Variants in SMAD1 observed in about 807,000 individuals in gnomAD.
SMAD1 encodes SMAD family member 1, also known as MAD, mothers against decapentaplegic homolog 1.
A neutral mutation model predicts 41.6 loss-of-function variants in SMAD1; 6 were observed. The observed-to-expected ratio is 0.14, with a 90% CI of 0.08 to 0.28. The LOEUF (loss-of-function observed/expected upper bound fraction) is 0.28. Ranked by LOEUF, SMAD1 falls within the 10% of genes least tolerant of loss-of-function variation. The probability of loss-of-function intolerance (pLI) is 1.00; values close to 1 mark genes in which losing one functional copy is unlikely to be tolerated. For synonymous variants in SMAD1, 206 were observed against 203.2 expected, an observed-to-expected ratio of 1.01 and a Z score of -0.12; for missense variants, 379 against 582.6, an observed-to-expected ratio of 0.65 and a Z score of 3.60.
intron 2 of SMAD1, among the ~76,000 whole-genome samples, chr4:145,522,594 T>C (rs1371143449): frequency 6.6e-6 from 1 of 152,080 alleles, no homozygotes; most frequent in Non-Finnish European, 1.5e-5. Flanking sequence ...AGCAAAACTC[T>C]GTCTCCAAAA....
intron 6 of SMAD1, 93 bp from the exon 7 acceptor site, chr4:145,557,698 A>T: frequency 1.0e-6 from 1 of 966,744 alleles, no homozygotes; most frequent in Non-Finnish European, 1.5e-6. Flanking sequence ...GCATAGCTTT[A>T]ATCAGAGTCT....
intron 1 of SMAD1, among the ~76,000 whole-genome samples, chr4:145,496,680 T>C (rs1380456494): frequency 6.6e-6 from 1 of 152,086 alleles, no homozygotes. Flanking sequence ...CACTGAGACC[T>C]GTATGCAAGG....
intron 2 of SMAD1, among the ~76,000 whole-genome samples, chr4:145,538,584 A>T (rs1410924246): frequency 2.0e-5 from 3 of 152,208 alleles, no homozygotes; most frequent in African/African-American, 7.2e-5. Flanking sequence ...TAGAAATGAT[A>T]TAAATTATGC....
At chr4:145,538,698 C>T (rs1001923132) in intron 2 of SMAD1, among the ~76,000 whole-genome samples, 3 of 152,160 alleles carry the variant, frequency 2.0e-5, no homozygotes, top group Non-Finnish European at 4.4e-5. Flanking sequence ...CAACAATAAT[C>T]ATAAGTTTTA....
rs181140207 is a variant in SMAD1 at position 145,488,897 on chromosome 4, A to G, written c.-177+6859A>G. On this transcript the variant is annotated intron_variant, in intron 1 of 6. Transcript: ENST00000302085. ...ACAAGGTAGTATAGGAGTAAATTGT[A>G]CAGACAACTCACATCAGGACCACTG... 2.3e-3 allele frequency among the ~76,000 whole-genome samples: 349 copies of G among 152,374 alleles called. 3 individuals carry two copies. Among genetic ancestry groups the G allele is most frequent in the Non-Finnish European group, 3.9e-3 (268 of 68,032 alleles).
intron 2 of SMAD1, among the ~76,000 whole-genome samples, chr4:145,517,502 T>G (rs1472484211): frequency 2.0e-5 from 3 of 152,136 alleles, no homozygotes; most frequent in African/African-American, 7.2e-5. Context: ...TTATAATGAT[T>G]GTTCTGTTGG....
chr4:145,493,897 A>G (rs1246736162), intron 1 of SMAD1, among the ~76,000 whole-genome samples: 3 of 152,202 alleles, frequency 2.0e-5, no homozygotes, highest in Non-Finnish European at 4.4e-5. Flanking sequence ...GGGATTGGGG[A>G]AAAAAGTCTG....
chr4:145,493,438 G>A (rs1190282568), intron 1 of SMAD1, among the ~76,000 whole-genome samples: 4 of 151,832 alleles, frequency 2.6e-5, no homozygotes, highest in Non-Finnish European at 5.9e-5. Flanking sequence ...TTTTTCATGT[G>A]TTTATGTTTG....
At chr4:145,534,096 C>CA (rs1193481923) in intron 2 of SMAD1, among the ~76,000 whole-genome samples, 2 of 152,032 alleles carry the variant, frequency 1.3e-5, no homozygotes, top group African/African-American at 4.8e-5. Flanking sequence ...GTGAGTACAC[C>CA]CTGAGGAGGC....
chr4:145,516,794 C>G (rs944793011), intron 2 of SMAD1, among the ~76,000 whole-genome samples: 2 of 152,116 alleles, frequency 1.3e-5, no homozygotes, highest in Admixed American at 1.3e-4. Flanking sequence ...TATTTAGGCA[C>G]ATGATTTTTT....
At chr4:145,489,012 T>C (rs1728638044) in intron 1 of SMAD1, among the ~76,000 whole-genome samples, 1 of 152,192 alleles carries the variant, frequency 6.6e-6, no homozygotes, top group South Asian at 2.1e-4. Context: ...GAGATAAGCA[T>C]GAGTGTTGAG....
intron 1 of SMAD1, among the ~76,000 whole-genome samples, chr4:145,490,207 G>A (rs567790129): frequency 1.1e-4 from 17 of 151,958 alleles, no homozygotes; most frequent in African/African-American, 4.1e-4. Context: ...AGGTGATGGA[G>A]TTAGCCATCT....
intron 2 of SMAD1, among the ~76,000 whole-genome samples, chr4:145,527,390 A>AT (rs1330612424): frequency 2.6e-5 from 4 of 151,830 alleles, no homozygotes; most frequent in African/African-American, 7.3e-5. Flanking sequence ...CGCCCAGCCA[A>AT]TTTTTTGTAT....
chr4:145,545,080 T>C (rs1732171223), intron 4 of SMAD1: 1 of 152,174 alleles, frequency 6.6e-6, no homozygotes, highest in African/African-American at 2.4e-5. Context: ...TTTTTAACCT[T>C]TGGTGATTTT....
At chr4:145,524,739 T>A (rs1336978549) in intron 2 of SMAD1, among the ~76,000 whole-genome samples, 1 of 151,668 alleles carries the variant, frequency 6.6e-6, no homozygotes, top group Non-Finnish European at 1.5e-5. Context: ...CCATTGCTGG[T>A]TCATAGAGCA....
At chr4:145,499,846 C>T (rs1427004249) in intron 1 of SMAD1, among the ~76,000 whole-genome samples, 1 of 152,016 alleles carries the variant, frequency 6.6e-6, no homozygotes, top group Non-Finnish European at 1.5e-5. Flanking sequence ...GTCCATAATT[C>T]TTGGACTACT....
At chr4:145,492,626 T>C (rs1384297178) in intron 1 of SMAD1, among the ~76,000 whole-genome samples, 1 of 152,196 alleles carries the variant, frequency 6.6e-6, no homozygotes, top group Non-Finnish European at 1.5e-5. Flanking sequence ...ATTATACCAT[T>C]GGCCACTGGT....
At chr4:145,493,081 T>C (rs183265845) in intron 1 of SMAD1, among the ~76,000 whole-genome samples, 1 of 152,324 alleles carries the variant, frequency 6.6e-6, no homozygotes, top group East Asian at 1.9e-4. Flanking sequence ...AAATCTCACC[T>C]TCAGGCTCAC....
chr4:145,502,671 A>C (rs1729515311), intron 1 of SMAD1, among the ~76,000 whole-genome samples: 1 of 152,228 alleles, frequency 6.6e-6, no homozygotes, highest in African/African-American at 2.4e-5. Flanking sequence ...ACCTAAAATA[A>C]ATAAACTACA....
Sources: allele counts gnomAD v4.1 joint callset (sites outside exome capture counted in the v4.1 genomes callset), GRCh38; gene constraint gnomAD v4.1.1; transcripts MANE v1.5; gene names NCBI Gene and HGNC (gene_info 2026-07-23, HGNC 2026-07-21).